Variants in MAP3K5 observed in about 807,000 individuals in gnomAD.
MAP3K5 encodes ASK-1.
MAP3K5 carries 56 observed loss-of-function variants against 158.7 expected under a neutral mutation model. The ratio of observed to expected loss-of-function variants is 0.35; its 90% CI spans 0.28 to 0.44. The LOEUF is 0.44. Among genes scored for constraint, MAP3K5 ranks in the 20% least tolerant of loss-of-function variants. MAP3K5 has a pLI of 1.00. For missense variants in MAP3K5, 1,294 were observed against 1,674.8 expected (o/e 0.77, Z 3.97); for synonymous variants, 579 against 601.7 (o/e 0.96, Z 0.55).
chr6:136,657,937 A>G (rs1446052071), intron 9 of MAP3K5, among the ~76,000 whole-genome samples: 1 of 152,224 alleles, frequency 6.6e-6, no homozygotes, highest in Non-Finnish European at 1.5e-5. Context: ...AAAATGATGG[A>G]CTTTATTCCT....
At chr6:136,656,232 A>G in intron 10 of MAP3K5, 75 bp downstream of exon 10, 1 of 1,367,464 alleles carries the variant, frequency 7.3e-7, no homozygotes, top group Non-Finnish European at 1.0e-6. Context: ...TCAGCCCCCA[A>G]GCACTGATAC....
At chr6:136,562,837 A>ATT (rs3040779) in intron 26 of MAP3K5, among the ~76,000 whole-genome samples, 14 of 124,832 alleles carry the variant, frequency 1.1e-4, no homozygotes, top group South Asian at 2.5e-4. Flanking sequence ...TGCCTGGCTA[A>ATT]TTTTTTTTTT....
intron 3 of MAP3K5, among the ~76,000 whole-genome samples, chr6:136,699,773 A>G (rs1169198286): frequency 2.0e-5 from 3 of 152,222 alleles, no homozygotes; most frequent in African/African-American, 4.8e-5. Context: ...GACAATGCAG[A>G]ATCATAGAAG....
In MAP3K5 at chr6:136,677,811, G is replaced by C. The variant is rs1397286388; in HGVS notation, c.1254-8416C>G. On this transcript the variant is annotated intron_variant, in intron 7 of 29. Transcript: ENST00000359015. ...ACAATAATACAACAGCATAGATGAC[G>C]GTCTCTATCAAAGAAAGCTGTGATT... 2.0e-5 allele frequency among the ~76,000 whole-genome samples: 3 copies of C among 152,154 alleles called. No individual in the cohort carries two copies. In the South Asian group the frequency reaches 6.2e-4, roughly 31 times the overall value.
chr6:136,611,133 A>T, intron 18 of MAP3K5, 149 bp downstream of exon 18: 1 of 430,530 alleles, frequency 2.3e-6, no homozygotes, highest in Non-Finnish European at 4.1e-6. Flanking sequence ...AAAAAAAAAA[A>T]AGAAAGAAAA....
At chr6:136,669,644 T>C (rs1480459010) in intron 7 of MAP3K5, among the ~76,000 whole-genome samples, 1 of 152,026 alleles carries the variant, frequency 6.6e-6, no homozygotes, top group African/African-American at 2.4e-5. Context: ...AAAAAAATCC[T>C]CTCTTCAACC....
chr6:136,667,655 C>T (rs1186849782), intron 8 of MAP3K5, among the ~76,000 whole-genome samples: 2 of 152,020 alleles, frequency 1.3e-5, no homozygotes, highest in Non-Finnish European at 2.9e-5. Flanking sequence ...TCTAAACCAG[C>T]CTGGGCAACA....
At chr6:136,648,543 C>T (rs1177836200) in intron 11 of MAP3K5, among the ~76,000 whole-genome samples, 2 of 152,162 alleles carry the variant, frequency 1.3e-5, no homozygotes, top group African/African-American at 4.8e-5. Context: ...TATGTAATTT[C>T]ATGTTGCCAA....
chr6:136,593,345 T>A (rs530458471), intron 21 of MAP3K5, among the ~76,000 whole-genome samples: 4 of 152,292 alleles, frequency 2.6e-5, no homozygotes, highest in East Asian at 1.9e-4. Context: ...AAAGAAAGCT[T>A]CATAGGTTGC....
intron 2 of MAP3K5, among the ~76,000 whole-genome samples, chr6:136,716,002 C>G (rs1781503667): frequency 9.2e-6 from 1 of 108,508 alleles, no homozygotes; most frequent in Non-Finnish European, 1.8e-5. Context: ...TGCACTCCAG[C>G]CCGGGTGACA....
chr6:136,631,329 T>G (rs1457443441), intron 14 of MAP3K5, among the ~76,000 whole-genome samples: 3 of 152,172 alleles, frequency 2.0e-5, no homozygotes, highest in Non-Finnish European at 4.4e-5. Context: ...TTCAGCTTCA[T>G]ATCTGCACAA....
At chr6:136,606,964 C>A (rs1776127389) in intron 18 of MAP3K5, among the ~76,000 whole-genome samples, 1 of 152,150 alleles carries the variant, frequency 6.6e-6, no homozygotes, top group Non-Finnish European at 1.5e-5. Flanking sequence ...TCCTGCAGAC[C>A]TTATCACTGC....
intron 10 of MAP3K5, among the ~76,000 whole-genome samples, chr6:136,652,193 G>A (rs1664545421): frequency 6.6e-6 from 1 of 152,082 alleles, no homozygotes; most frequent in Admixed American, 6.6e-5. Context: ...ACAAGAATCT[G>A]GGCATATTTG....
intron 11 of MAP3K5, among the ~76,000 whole-genome samples, chr6:136,648,327 T>TA (rs1244221486): frequency 6.6e-6 from 1 of 152,208 alleles, no homozygotes; most frequent in Non-Finnish European, 1.5e-5. Context: ...ATCCTTAAGT[T>TA]ACCACAACCT....
At chr6:136,607,401 C>G (rs910644603) in intron 18 of MAP3K5, among the ~76,000 whole-genome samples, 3 of 152,138 alleles carry the variant, frequency 2.0e-5, no homozygotes, top group Non-Finnish European at 4.4e-5. Flanking sequence ...TTAATTATCC[C>G]CCACTGAGCA....
chr6:136,735,023 C>T (rs533018471), intron 1 of MAP3K5, among the ~76,000 whole-genome samples: 1 of 152,204 alleles, frequency 6.6e-6, no homozygotes, highest in South Asian at 2.1e-4. Context: ...AACCTCTTCA[C>T]ATGGAAAACA....
chr6:136,586,946 T>C (rs1775166746), intron 23 of MAP3K5, among the ~76,000 whole-genome samples: 1 of 152,220 alleles, frequency 6.6e-6, no homozygotes, highest in Non-Finnish European at 1.5e-5. Flanking sequence ...TGGCTCTCCA[T>C]GCTCCTCAGC....
chr6:136,741,899 C>A (rs1782722811), intron 1 of MAP3K5, among the ~76,000 whole-genome samples: 1 of 152,144 alleles, frequency 6.6e-6, no homozygotes, highest in South Asian at 2.1e-4. Context: ...TTTACATTAG[C>A]ACCCCCAAAA....
At chr6:136,710,306 A>G (rs760750081) in intron 2 of MAP3K5, among the ~76,000 whole-genome samples, 1 of 152,224 alleles carries the variant, frequency 6.6e-6, no homozygotes, top group Non-Finnish European at 1.5e-5. Context: ...TAAAATCAAT[A>G]TAAACTCCAG....
Sources: allele counts gnomAD v4.1 joint callset (sites outside exome capture counted in the v4.1 genomes callset), GRCh38; gene constraint gnomAD v4.1.1; transcripts MANE v1.5; gene names NCBI Gene and HGNC (gene_info 2026-07-23, HGNC 2026-07-21).